Variants in ZNF804A observed in about 807,000 individuals in gnomAD.
The protein encoded by ZNF804A is zinc finger protein 804A.
A neutral mutation model predicts 16.5 loss-of-function variants in ZNF804A; 2 were observed. The observed-to-expected ratio is 0.12, with a 90% CI of 0.05 to 0.38. ZNF804A has a LOEUF of 0.38. Among genes scored for constraint, ZNF804A ranks in the 10% least tolerant of loss-of-function variants. The pLI, the probability that ZNF804A is intolerant of heterozygous loss-of-function variation, is 0.99. For synonymous variants in ZNF804A, 534 were observed against 489.6 expected (o/e 1.09, Z -1.20); for missense variants, 1,473 against 1,390.7 (o/e 1.06, Z -0.94).
intron 1 of ZNF804A, among the ~76,000 whole-genome samples, chr2:184,692,690 G>T (rs954433630): frequency 1.3e-5 from 2 of 151,982 alleles, no homozygotes; most frequent in African/African-American, 4.8e-5. Context: ...TCCCATAAGG[G>T]TATTTAATTA....
Position 184,933,611 on chromosome 2 carries a change from G to A in ZNF804A, c.264G>A (p.Lys88=), listed in dbSNP as rs2105842533. ...SYDHAHKQRL[K]ELKQREFARN... ...CAACTTTTTTTTAACAGAGGCTCAA[G>A]GAACTGAAACAAAGGGAATTTGCTC... The change falls in exon 3 of 4, where the codon AAG becomes AAA. Residue 88 remains lysine (K), a synonymous_variant. Transcript: ENST00000302277. The A allele has an allele frequency of 3.8e-6, 6 of 1,594,132 alleles. No individual in the cohort carries two copies. Among genetic ancestry groups the A allele is most frequent in the Non-Finnish European group, 4.3e-6 (5 of 1,174,494 alleles).
At chr2:184,721,394 TA>T (rs1219712551) in intron 1 of ZNF804A, among the ~76,000 whole-genome samples, 2 of 151,356 alleles carry the variant, frequency 1.3e-5, no homozygotes, top group African/African-American at 4.9e-5. Flanking sequence ...GAAACAACAG[TA>T]AAAAAATAAA....
chr2:184,810,490 T>TC (rs1312820408), intron 1 of ZNF804A, among the ~76,000 whole-genome samples: 3 of 132,478 alleles, frequency 2.3e-5, no homozygotes, highest in African/African-American at 9.2e-5. Context: ...TTTCCTTTTT[T>TC]TTTTTTTTTT....
Position 184,939,455 on chromosome 2 carries a change from A to G in ZNF804A, c.*429A>G, listed in dbSNP as rs1473488340. Reference sequence around the variant, plus strand: ...TGAAACTGTAAATTCAGTGAAAAATATCTCTTGCAATAAATTTTTGTTAAC... The same window carrying G: ...TGAAACTGTAAATTCAGTGAAAAATGTCTCTTGCAATAAATTTTTGTTAAC... On this transcript the variant is annotated 3_prime_UTR_variant, in exon 4 of 4. Transcript: ENST00000302277. 6.5e-6 allele frequency: 1 copy of G among 153,336 alleles called. No individual in the cohort carries two copies. The highest frequency in any genetic ancestry group is 1.5e-5 in the Non-Finnish European group (1 of 68,554). 9.5% of individuals were successfully genotyped at this position (153,336 alleles called of 1,614,324 possible).
Position 184,939,047 on chromosome 2 carries a change from A to G in ZNF804A, c.*21A>G. On this transcript the variant is annotated 3_prime_UTR_variant, in exon 4 of 4. Transcript: ENST00000302277. The stretch of plus-strand genomic sequence containing the variant: ...TCTAGTCATCACCATAATGGGAAAA[A>G]AATACTCTTGTGAAAACTATTGCTA... The G allele has an allele frequency of 6.2e-7, 1 of 1,605,970 alleles. No individual in the cohort carries two copies.
chr2:184,702,492 T>C (rs1692935700), intron 1 of ZNF804A, among the ~76,000 whole-genome samples: 1 of 152,110 alleles, frequency 6.6e-6, no homozygotes, highest in African/African-American at 2.4e-5. Context: ...AAATTTCTAA[T>C]CCTGACTCCT....
chr2:184,759,411 T>G (rs1175467230), intron 1 of ZNF804A, among the ~76,000 whole-genome samples: 3 of 151,762 alleles, frequency 2.0e-5, no homozygotes, highest in African/African-American at 7.2e-5. Flanking sequence ...GTATTGACAT[T>G]AGGAAAAACT....
At chr2:184,779,774 C>T (rs1039200796) in intron 1 of ZNF804A, among the ~76,000 whole-genome samples, 3 of 151,660 alleles carry the variant, frequency 2.0e-5, no homozygotes, top group Non-Finnish European at 3.0e-5. Flanking sequence ...AACGCAACTC[C>T]GCAGACACCC....
At chr2:184,727,249 A>G (rs750815821) in intron 1 of ZNF804A, among the ~76,000 whole-genome samples, 4 of 151,638 alleles carry the variant, frequency 2.6e-5, no homozygotes, top group African/African-American at 9.7e-5. Flanking sequence ...AGAGCTTGGC[A>G]TAATACAGAA....
intron 1 of ZNF804A, among the ~76,000 whole-genome samples, chr2:184,655,089 G>C (rs551670310): frequency 2.6e-5 from 4 of 152,280 alleles, no homozygotes; most frequent in Admixed American, 2.0e-4. Context: ...TAATAATTAC[G>C]CAAGAGTTAG....
At chr2:184,854,426 A>G (rs144070451) in intron 1 of ZNF804A, among the ~76,000 whole-genome samples, 250 of 152,116 alleles carry the variant, frequency 1.6e-3, no homozygotes, top group African/African-American at 5.6e-3. Flanking sequence ...GCCAACAACA[A>G]GTTCCCTGTG....
intron 1 of ZNF804A, among the ~76,000 whole-genome samples, chr2:184,651,092 A>G (rs1691975600): frequency 6.6e-6 from 1 of 152,164 alleles, no homozygotes; most frequent in South Asian, 2.1e-4. Flanking sequence ...GTATGAATTC[A>G]GATACATAGA....
chr2:184,901,353 G>A (rs1013696852), intron 2 of ZNF804A, among the ~76,000 whole-genome samples: 5 of 152,112 alleles, frequency 3.3e-5, no homozygotes, highest in Admixed American at 6.6e-5. Context: ...TGAAGGGAAG[G>A]AAAGAGAATT....
chr2:184,623,607 A>G (rs1254235971), intron 1 of ZNF804A, among the ~76,000 whole-genome samples: 2 of 152,154 alleles, frequency 1.3e-5, no homozygotes. Context: ...AGCTTTAATA[A>G]GTGACACATG....
intron 1 of ZNF804A, among the ~76,000 whole-genome samples, chr2:184,810,832 A>T (rs911903713): frequency 2.0e-5 from 3 of 152,072 alleles, no homozygotes; most frequent in Non-Finnish European, 4.4e-5. Context: ...TACACTAAAA[A>T]CCATTCTATT....
intron 2 of ZNF804A, among the ~76,000 whole-genome samples, chr2:184,918,719 G>A (rs547089446): frequency 1.3e-5 from 2 of 152,122 alleles, no homozygotes; most frequent in South Asian, 2.1e-4. Flanking sequence ...AGAGATACTT[G>A]CACATATACA....
chr2:184,688,235 G>T (rs986674114), intron 1 of ZNF804A, among the ~76,000 whole-genome samples: 1 of 151,632 alleles, frequency 6.6e-6, no homozygotes, highest in Non-Finnish European at 1.5e-5. Context: ...TTATATACCC[G>T]CCACACACTC....
intron 1 of ZNF804A, among the ~76,000 whole-genome samples, chr2:184,717,703 T>G (rs2105740423): frequency 6.6e-6 from 1 of 152,334 alleles, no homozygotes; most frequent in Non-Finnish European, 1.5e-5. Context: ...GACATAATAT[T>G]TGTGCATGTT....
intron 1 of ZNF804A, among the ~76,000 whole-genome samples, chr2:184,813,042 A>C (rs1323827012): frequency 1.3e-5 from 2 of 152,146 alleles, no homozygotes; most frequent in Non-Finnish European, 2.9e-5. Flanking sequence ...TGTTATAGTG[A>C]GGTGAATATC....
Sources: gnomAD v4.1 joint callset for allele counts (sites outside exome capture counted in the v4.1 genomes callset) on GRCh38, gnomAD v4.1.1 for gene constraint, MANE v1.5 for transcripts, NCBI Gene and HGNC (gene_info 2026-07-23, HGNC 2026-07-21) for gene names.